ZMPSTE24: variants seen among roughly 807,000 people sequenced by gnomAD.
The protein encoded by ZMPSTE24 is CAAX prenyl protease 1 homolog.
A neutral mutation model predicts 56.7 loss-of-function variants in ZMPSTE24; 48 were observed. The observed-to-expected ratio is 0.85, with a 90% CI of 0.67 to 1.08. The LOEUF is 1.08. Ranked by LOEUF, ZMPSTE24 falls within the 50% of genes least tolerant of loss-of-function variation. The pLI, the probability that ZMPSTE24 is intolerant of heterozygous loss-of-function variation, is 0.00. For synonymous variants in ZMPSTE24, 172 were observed against 195.2 expected, an observed-to-expected ratio of 0.88 and a Z score of 0.99; for missense variants, 503 against 548.7, an observed-to-expected ratio of 0.92 and a Z score of 0.83.
At chr1:40,286,819 C>T (rs1338185798) in intron 8 of ZMPSTE24, among the ~76,000 whole-genome samples, 1 of 150,200 alleles carries the variant, frequency 6.7e-6, no homozygotes, top group Non-Finnish European at 1.5e-5. Context: ...CCTCTGCCTC[C>T]CGGGTTCAAG....
In ZMPSTE24 at chr1:40,285,961, G is replaced by A; in HGVS notation, c.991G>A (p.Ala331Thr). 1.2e-6 allele frequency: 2 copies of A among 1,613,892 alleles called. No individual in the cohort carries two copies. The highest frequency in any genetic ancestry group is 1.7e-6 in the Non-Finnish European group (2 of 1,179,934). ...KQGCKNEEVLAVLGHELGHWK... is the reference protein window; with the variant it reads ...KQGCKNEEVLTVLGHELGHWK... ...AGGATGTAAAAATGAGGAGGTACTC[G>A]CTGTACTAGGCCATGAACTGGGGCA... Residue 331 changes from alanine to threonine, a missense_variant, in exon 8 of 10, where the codon GCT becomes ACT. Transcript: ENST00000372759.
intron 6 of ZMPSTE24, among the ~76,000 whole-genome samples, chr1:40,280,519 G>A (rs1643718445): frequency 6.6e-6 from 1 of 152,028 alleles, no homozygotes; most frequent in Non-Finnish European, 1.5e-5. Flanking sequence ...CCGTCTCCTG[G>A]GTTCAAGCAG....
In ZMPSTE24 at chr1:40,270,236, G is replaced by A. The variant is rs1643600312; in HGVS notation, c.627+109G>A. On this transcript the variant is annotated intron_variant, in intron 5 of 9. Transcript: ENST00000372759. ...TTAAGAAGCAGCTGAAATATAAATA[G>A]GTGCTTATATACATTTCCCCCTTGG... The A allele has an allele frequency of 1.1e-5, 14 of 1,260,952 alleles. 1 individual carries two copies. In the South Asian group the frequency reaches 1.7e-4, roughly 15 times the overall value. The allele number at this position is 1,260,952 out of a possible 1,614,324, so 78.1% of individuals were successfully genotyped here.
intron 6 of ZMPSTE24, among the ~76,000 whole-genome samples, chr1:40,274,193 A>G (rs574111765): frequency 1.3e-5 from 2 of 152,322 alleles, no homozygotes; most frequent in African/African-American, 2.4e-5. Flanking sequence ...GAGACAAACT[A>G]CTTGTGTGAC....
At chr1:40,286,430 A>T (rs923915847) in intron 8 of ZMPSTE24, among the ~76,000 whole-genome samples, 21 of 151,900 alleles carry the variant, frequency 1.4e-4, no homozygotes, top group South Asian at 2.1e-4. Context: ...AATTAAAAAA[A>T]TTTTTTTTGA....
At chr1:40,260,716 T>A in intron 1 of ZMPSTE24, 123 bp from the exon 2 acceptor site, 1 of 928,936 alleles carries the variant, frequency 1.1e-6, no homozygotes, top group Non-Finnish European at 1.6e-6. Context: ...GCAATATTTG[T>A]GTAGGTATAA....
chr1:40,292,343 C>A, intron 9 of ZMPSTE24, 102 bp from the exon 10 acceptor site: 1 of 1,116,350 alleles, frequency 9.0e-7, no homozygotes, highest in Non-Finnish European at 1.4e-6. Context: ...CCTGCCATTC[C>A]TCTTATCCCA....
intron 7 of ZMPSTE24, among the ~76,000 whole-genome samples, chr1:40,284,711 C>A (rs1466790276): frequency 5.3e-5 from 8 of 152,114 alleles, no homozygotes; most frequent in Non-Finnish European, 1.2e-4. Flanking sequence ...GAGATCGTGC[C>A]GTTGCACTCC....
At chr1:40,275,723 G>A in intron 6 of ZMPSTE24, among the ~76,000 whole-genome samples, 1 of 136,852 alleles carries the variant, frequency 7.3e-6, no homozygotes, top group African/African-American at 2.8e-5. Context: ...CTACACTCCA[G>A]CCTGGGCAAC....
chr1:40,270,198 A>G, intron 5 of ZMPSTE24, 71 bp downstream of exon 5: 1 of 1,532,280 alleles, frequency 6.5e-7, no homozygotes, highest in Non-Finnish European at 9.0e-7. Flanking sequence ...CTTCATTGGC[A>G]TGTAAACAGT....
At chr1:40,258,417 C>T in intron 1 of ZMPSTE24, 23 bp downstream of exon 1, 1 of 1,613,854 alleles carries the variant, frequency 6.2e-7, no homozygotes, top group Non-Finnish European at 8.5e-7. Context: ...AGGGTCCAAC[C>T]TGACCCCCAT....
In ZMPSTE24 at chr1:40,292,781, A is replaced by G. The variant is rs1342215607; in HGVS notation, c.*112A>G. 2 of 887,560 alleles carry G rather than the reference A, an allele frequency of 2.3e-6. No homozygotes were observed. The highest frequency in any genetic ancestry group is 1.7e-5 in the African/African-American group (1 of 58,976). 55.0% of individuals were successfully genotyped at this position (887,560 alleles called of 1,614,324 possible). On this transcript the variant is annotated 3_prime_UTR_variant, in exon 10 of 10. Coordinates refer to ENST00000372759, the MANE Select transcript of ZMPSTE24 (RefSeq NM_005857.5). ...TTAGAAGAAAAATTAAGTACAGAAA[A>G]GCCCAGATTTAAATACATTTAATAT...
intron 6 of ZMPSTE24, among the ~76,000 whole-genome samples, chr1:40,273,564 A>ATATATATG (rs1643637779): frequency 8.0e-6 from 1 of 125,434 alleles, no homozygotes; most frequent in South Asian, 2.6e-4. Context: ...ATATATATAT[A>ATATATATG]TATATGTCAG....
At chr1:40,278,997 C>T (rs1013878184) in intron 6 of ZMPSTE24, among the ~76,000 whole-genome samples, 3 of 152,028 alleles carry the variant, frequency 2.0e-5, no homozygotes, top group South Asian at 4.1e-4. Context: ...AAAAATTAGC[C>T]GGGCATGGTG....
At position 40,279,459 on chromosome 1, in the gene ZMPSTE24, A is replaced by G. The variant is rs181036072; in HGVS notation, c.770-1884A>G. On this transcript the variant is annotated intron_variant, in intron 6 of 9. Transcript: ENST00000372759. ...CAATCAACACATTTTTGCCAACAAG[A>G]AATACGTTTGCTTATTTCTGTAGGG... Among the ~76,000 whole-genome samples, 35 of 152,336 alleles carry G rather than the reference A, an allele frequency of 2.3e-4. 1 individual carries two copies. Among genetic ancestry groups the G allele is most frequent in the African/African-American group, 7.9e-4 (33 of 41,570 alleles).
chr1:40,259,126 C>G (rs1557771807), intron 1 of ZMPSTE24, among the ~76,000 whole-genome samples: 1 of 151,718 alleles, frequency 6.6e-6, no homozygotes, highest in African/African-American at 2.4e-5. Flanking sequence ...CCACTGCACT[C>G]CAGCCTGGGC....
intron 6 of ZMPSTE24, among the ~76,000 whole-genome samples, chr1:40,275,789 T>A (rs1643665174): frequency 6.7e-6 from 1 of 148,350 alleles, no homozygotes; most frequent in Non-Finnish European, 1.5e-5. Flanking sequence ...GTTTGATATC[T>A]CACAAAATCC....
chr1:40,292,408 T>C (rs1643852460), intron 9 of ZMPSTE24, 37 bp from the exon 10 acceptor site: 1 of 1,593,786 alleles, frequency 6.3e-7, no homozygotes, highest in East Asian at 2.2e-5. Context: ...AACAAAGAGG[T>C]GGGCAGTGGC....
rs1171594962 is a variant in ZMPSTE24 at position 40,292,643 on chromosome 1, G to A, written c.1402G>A (p.Ala468Thr). The A allele has an allele frequency of 6.2e-7, 1 of 1,614,044 alleles. No homozygotes were observed. The highest frequency in any genetic ancestry group is 1.7e-5 in the Admixed American group (1 of 60,010). The stretch of plus-strand genomic sequence containing the variant: ...TCCTCCACTGCTAGAGAGACTTCAA[G>A]CTTTGAAAACTATGAAGCAACACTG... Reference protein sequence around the residue: ...SHPPLLERLQALKTMKQH With the variant: ...SHPPLLERLQTLKTMKQH The change falls in exon 10 of 10, where the codon GCT (alanine) becomes ACT (threonine). Residue 468 changes from alanine (A) to threonine (T), a missense_variant. Transcript: ENST00000372759.
Sources: gnomAD v4.1 joint callset for allele counts (sites outside exome capture counted in the v4.1 genomes callset) on GRCh38, gnomAD v4.1.1 for gene constraint, MANE v1.5 for transcripts, NCBI Gene and HGNC (gene_info 2026-07-23, HGNC 2026-07-21) for gene names.